The following ST8SIA6 variants were observed in gnomAD, a reference collection of about 807,000 sequenced individuals.
The protein encoded by ST8SIA6 is ST8 alpha-N-acetyl-neuraminide alpha-2,8-sialyltransferase 6.
ST8SIA6 carries 39 observed loss-of-function variants against 33.6 expected under a neutral mutation model. That is an observed-to-expected ratio of 1.16 (90% CI 0.90 to 1.52). ST8SIA6 has a LOEUF of 1.52. Among genes scored for constraint, ST8SIA6 ranks in the 40% most tolerant of loss-of-function variants. The probability of loss-of-function intolerance (pLI) is 0.00; values close to 1 mark genes in which losing one functional copy is unlikely to be tolerated. For synonymous variants in ST8SIA6, 172 were observed against 167.2 expected (o/e 1.03, Z -0.22); for missense variants, 441 against 443.8 (o/e 0.99, Z 0.06).
intron 3 of ST8SIA6, among the ~76,000 whole-genome samples, chr10:17,369,716 T>C (rs903464087): frequency 6.6e-6 from 1 of 152,186 alleles, no homozygotes; most frequent in African/African-American, 2.4e-5. Flanking sequence ...TTTGGTGCTG[T>C]TATTAGGTGC....
chr10:17,366,877 C>T (rs1412844880), intron 3 of ST8SIA6, among the ~76,000 whole-genome samples: 1 of 152,036 alleles, frequency 6.6e-6, no homozygotes, highest in Non-Finnish European at 1.5e-5. Context: ...AACCAGAACC[C>T]AAAGGGTAAG....
intron 5 of ST8SIA6, among the ~76,000 whole-genome samples, chr10:17,329,498 C>G (rs1300498437): frequency 1.3e-5 from 2 of 152,138 alleles, no homozygotes; most frequent in Non-Finnish European, 2.9e-5. Flanking sequence ...TCCTAGATAC[C>G]TCAGGCTATT....
At chr10:17,394,101 A>G (rs1850717818) in intron 2 of ST8SIA6, among the ~76,000 whole-genome samples, 2 of 152,220 alleles carry the variant, frequency 1.3e-5, no homozygotes, top group Admixed American at 6.5e-5. Context: ...GTAGGCACCA[A>G]TAGGATTGTG....
rs1460715745 is a variant in ST8SIA6, at chr10:17,397,255, C to T, written c.201-6635G>A. 4.2e-5 allele frequency among the ~76,000 whole-genome samples: 4 copies of T among 94,594 alleles called. 1 individual carries two copies. The highest frequency in any genetic ancestry group is 3.3e-4 in the Admixed American group (2 of 6,128). 62.1% of individuals were successfully genotyped at this position (94,594 alleles called of 152,430 possible). A position where few individuals can be genotyped will look rare whatever the true frequency, so the allele number is the denominator to read the frequency against. Reference sequence around the variant, plus strand: ...TTTGTTTTTTTTTTTTTTTTTGAGACGAAGTCTCACTCTTGTCCCCCAGGC... The same window carrying T: ...TTTGTTTTTTTTTTTTTTTTTGAGATGAAGTCTCACTCTTGTCCCCCAGGC... On this transcript the variant is annotated intron_variant, in intron 2 of 7. Transcript: ENST00000377602.
At chr10:17,366,166 T>A (rs1473338971) in intron 3 of ST8SIA6, among the ~76,000 whole-genome samples, 1 of 152,202 alleles carries the variant, frequency 6.6e-6, no homozygotes, top group Non-Finnish European at 1.5e-5. Context: ...CGACATTTCA[T>A]CCACTAAAGG....
At chr10:17,453,490 T>C in intron 2 of ST8SIA6, 69 bp downstream of exon 2, 1 of 1,187,466 alleles carries the variant, frequency 8.4e-7, no homozygotes, top group Non-Finnish European at 1.1e-6. Flanking sequence ...TCCAAGCCGG[T>C]GCAGCCGCGC....
At chr10:17,425,638 G>GAAGA (rs148880269) in intron 2 of ST8SIA6, among the ~76,000 whole-genome samples, 70,672 of 144,076 alleles carry the variant, frequency 0.49, 17,524 homozygotes, top group East Asian at 0.63. Flanking sequence ...AGAAAGAGAG[G>GAAGA]AAGAAAGGAG....
intron 4 of ST8SIA6, among the ~76,000 whole-genome samples, chr10:17,349,562 A>C (rs1848963451): frequency 6.6e-6 from 1 of 152,232 alleles, no homozygotes; most frequent in Non-Finnish European, 1.5e-5. Flanking sequence ...GACACTGGCT[A>C]GGAAAACTGG....
chr10:17,446,576 C>A (rs10508541), intron 2 of ST8SIA6, among the ~76,000 whole-genome samples: 2,057 of 152,116 alleles, frequency 0.014, 26 homozygotes, highest in Non-Finnish European at 0.022. Flanking sequence ...AATTCAGTAA[C>A]ATGGAAGACA....
At chr10:17,395,672 C>T (rs190501345) in intron 2 of ST8SIA6, among the ~76,000 whole-genome samples, 30 of 152,212 alleles carry the variant, frequency 2.0e-4, no homozygotes, top group African/African-American at 5.3e-4. Context: ...CACCTGTGGT[C>T]GAGAGTTCAA....
At chr10:17,437,185 G>T (rs556392759) in intron 2 of ST8SIA6, among the ~76,000 whole-genome samples, 5 of 152,114 alleles carry the variant, frequency 3.3e-5, no homozygotes, top group African/African-American at 1.2e-4. Context: ...TTGAGACAGG[G>T]TCTTGCTCTG....
intron 2 of ST8SIA6, among the ~76,000 whole-genome samples, chr10:17,452,601 T>G (rs772441541): frequency 6.6e-6 from 1 of 152,218 alleles, no homozygotes; most frequent in Non-Finnish European, 1.5e-5. Flanking sequence ...CTGTCCATCT[T>G]GGGTAATTAA....
chr10:17,385,057 T>C (rs1356665743), intron 3 of ST8SIA6, among the ~76,000 whole-genome samples: 1 of 152,098 alleles, frequency 6.6e-6, no homozygotes, highest in Non-Finnish European at 1.5e-5. Flanking sequence ...CAAAAGATTT[T>C]AAAAAAGAAA....
At chr10:17,425,203 G>T (rs549583410) in intron 2 of ST8SIA6, among the ~76,000 whole-genome samples, 6 of 151,982 alleles carry the variant, frequency 3.9e-5, no homozygotes, top group Non-Finnish European at 7.4e-5. Context: ...CACACATCTC[G>T]AGTGGCAGGA....
intron 3 of ST8SIA6, among the ~76,000 whole-genome samples, chr10:17,369,089 T>G (rs1466038414): frequency 6.6e-6 from 1 of 152,208 alleles, no homozygotes; most frequent in Non-Finnish European, 1.5e-5. Flanking sequence ...GTAGCTTGAT[T>G]GCGACATAAT....
In ST8SIA6 at chr10:17,333,682, T is replaced by G. The variant is rs1366253324; in HGVS notation, c.378-2130A>C. 1.0e-2 allele frequency among the ~76,000 whole-genome samples: 165 copies of G among 16,558 alleles called. 15 individuals carry two copies. The highest frequency in any genetic ancestry group is 0.029 in the African/African-American group (109 of 3,738). 10.9% of individuals were successfully genotyped at this position (16,558 alleles called of 152,430 possible). A position where few individuals can be genotyped will look rare whatever the true frequency, so the allele number is the denominator to read the frequency against. On this transcript the variant is annotated intron_variant, in intron 4 of 7. Transcript: ENST00000377602. ...AATAAATGGTGCTGGGATATATATA[T>G]ATATATATATATATATATATATATA...
At chr10:17,333,684 TA>T (rs1848376167) in intron 4 of ST8SIA6, among the ~76,000 whole-genome samples, 2 of 16,202 alleles carry the variant, frequency 1.2e-4, no homozygotes, top group African/African-American at 3.0e-4. Context: ...TATATATATA[TA>T]TATATATATA....
rs565738652 is a variant in ST8SIA6 at position 17,317,033 on chromosome 10, G to A, written c.*3845C>T. 6.6e-6 allele frequency among the ~76,000 whole-genome samples: 1 copy of A among 152,216 alleles called. No homozygotes were observed. The highest frequency in any genetic ancestry group is 6.5e-5 in the Admixed American group (1 of 15,278). ...GTTGAAGAAGTACAGTTCCTCACCT[G>A]TATCTCAAACATAATTCTCCTACAT... On this transcript the variant is annotated 3_prime_UTR_variant, in exon 8 of 8. Transcript: ENST00000377602.
chr10:17,340,025 G>T (rs1848622505), intron 4 of ST8SIA6, among the ~76,000 whole-genome samples: 1 of 152,228 alleles, frequency 6.6e-6, no homozygotes, highest in Non-Finnish European at 1.5e-5. Context: ...GCAAAGCAAA[G>T]ATTCAAACCC....
Sources: gnomAD v4.1 joint callset for allele counts (sites outside exome capture counted in the v4.1 genomes callset) on GRCh38, gnomAD v4.1.1 for gene constraint, MANE v1.5 for transcripts, NCBI Gene and HGNC (gene_info 2026-07-23, HGNC 2026-07-21) for gene names.